SVEP1: variants seen among roughly 807,000 people sequenced by gnomAD.
The protein encoded by SVEP1 is sushi, von Willebrand factor type A, EGF and pentraxin domain containing 1.
A neutral mutation model predicts 367.3 loss-of-function variants in SVEP1; 164 were observed. The ratio of observed to expected loss-of-function variants is 0.45; its 90% CI spans 0.39 to 0.51. SVEP1 has a LOEUF of 0.51. SVEP1 is among the 20% of genes least tolerant of loss of function. The pLI is 0.00. For synonymous variants in SVEP1, 1,666 were observed against 1,611.6 expected, an observed-to-expected ratio of 1.03 and a Z score of -0.81; for missense variants, 4,117 against 4,425.3, an observed-to-expected ratio of 0.93 and a Z score of 1.98.
intron 18 of SVEP1, among the ~76,000 whole-genome samples, chr9:110,461,109 A>C (rs1828851322): frequency 6.6e-6 from 1 of 152,194 alleles, no homozygotes; most frequent in Non-Finnish European, 1.5e-5. Flanking sequence ...TTGTCATTTA[A>C]CCAAATCTGA....
intron 27 of SVEP1, 141 bp downstream of exon 27, chr9:110,443,404 A>C (rs1279986734): frequency 1.3e-6 from 1 of 782,372 alleles, no homozygotes; most frequent in East Asian, 3.2e-5. Flanking sequence ...CAGTTAGGAT[A>C]ATCAGGGAGT....
rs1396830237 is a variant in SVEP1 at position 110,411,308 on chromosome 9, A to T, written c.6403T>A (p.Ser2135Thr). ...ECMRGGQWNP[S>T]PMSIQCIPVR... The stretch of plus-strand genomic sequence containing the variant: ...GGGATGCACTGGATGGACATGGGGG[A>T]AGGGTTCCACTGCCCACCTCTCATA... The change falls in exon 37 of 48, where the codon TCC becomes ACC. Residue 2135 changes from serine (S) to threonine (T), a missense_variant. Ser to Thr is a moderately conservative substitution (Grantham distance 58). Transcript: ENST00000374469. The T allele has an allele frequency of 6.2e-7, 1 of 1,613,944 alleles. No individual in the cohort carries two copies. Among genetic ancestry groups the T allele is most frequent in the Non-Finnish European group, 8.5e-7 (1 of 1,179,890 alleles).
chr9:110,433,708 C>T (rs1032724465), intron 30 of SVEP1, among the ~76,000 whole-genome samples: 19 of 151,828 alleles, frequency 1.3e-4, no homozygotes, highest in African/African-American at 2.2e-4. Flanking sequence ...TGGGCTCAAG[C>T]GATCCGCCCG....
At chr9:110,368,683 CTCTTT>C (rs1480318100) in intron 47 of SVEP1, among the ~76,000 whole-genome samples, 10 of 151,984 alleles carry the variant, frequency 6.6e-5, no homozygotes, top group African/African-American at 2.4e-4. Context: ...ACTGTTTTTT[CTCTTT>C]TATTTCCTCT....
intron 5 of SVEP1, among the ~76,000 whole-genome samples, chr9:110,511,488 CTTTTTTTTTTTT>C (rs199993986): frequency 3.5e-4 from 27 of 77,562 alleles, no homozygotes; most frequent in Non-Finnish European, 6.1e-4. Context: ...GTGTCAGTAC[CTTTTTTTTTTTT>C]TTTTTTTTTT....
At chr9:110,379,100 G>A (rs1827395741) in intron 44 of SVEP1, among the ~76,000 whole-genome samples, 1 of 152,074 alleles carries the variant, frequency 6.6e-6, no homozygotes, top group Non-Finnish European at 1.5e-5. Flanking sequence ...AGTTTTAGAA[G>A]GATATAATAC....
chr9:110,369,438 T>C (rs1827244366), intron 47 of SVEP1, among the ~76,000 whole-genome samples: 1 of 152,218 alleles, frequency 6.6e-6, no homozygotes, highest in South Asian at 2.1e-4. Context: ...TTCAATACTA[T>C]TTTTATTGTA....
chr9:110,371,994 T>G (rs1827284589), intron 46 of SVEP1, among the ~76,000 whole-genome samples: 2 of 152,208 alleles, frequency 1.3e-5, no homozygotes, highest in Admixed American at 1.3e-4. Context: ...TCTCAACACA[T>G]AATTTAGCAT....
chr9:110,430,504 A>G, intron 32 of SVEP1, 54 bp from the exon 33 acceptor site: 1 of 1,527,802 alleles, frequency 6.5e-7, no homozygotes, highest in South Asian at 1.2e-5. Context: ...CAACCATGCA[A>G]AGTCTCACAG....
chr9:110,395,535 C>T (rs1827744430), intron 40 of SVEP1, among the ~76,000 whole-genome samples: 1 of 152,068 alleles, frequency 6.6e-6, no homozygotes, highest in African/African-American at 2.4e-5. Flanking sequence ...GCTAAATGCT[C>T]CAATTAAAAG....
At chr9:110,462,378 TA>T (rs1410131818) in intron 18 of SVEP1, among the ~76,000 whole-genome samples, 3 of 151,948 alleles carry the variant, frequency 2.0e-5, no homozygotes, top group Non-Finnish European at 2.9e-5. Context: ...TAGTTTAAGT[TA>T]TTGTCCAAGG....
chr9:110,547,171 G>T (rs1260398097), intron 2 of SVEP1, among the ~76,000 whole-genome samples: 2 of 152,116 alleles, frequency 1.3e-5, no homozygotes, highest in African/African-American at 2.4e-5. Flanking sequence ...CTAGATAGGG[G>T]CAAAGCAAAG....
intron 46 of SVEP1, among the ~76,000 whole-genome samples, chr9:110,372,486 T>C (rs1827293013): frequency 6.6e-6 from 1 of 152,224 alleles, no homozygotes; most frequent in African/African-American, 2.4e-5. Context: ...ATTAGGAGCA[T>C]ATTCTTATTA....
rs1324644678 is a variant in SVEP1, at chr9:110,550,022, C to G, written c.614G>C (p.Arg205Thr). The G allele has an allele frequency of 6.2e-7, 1 of 1,613,874 alleles. No individual in the cohort carries two copies. The highest frequency in any genetic ancestry group is 8.5e-7 in the Non-Finnish European group (1 of 1,179,898). The change falls in exon 2 of 48, where the codon AGA becomes ACA. Residue 205 changes from arginine (R) to threonine (T), a missense_variant. Arg to Thr is a moderately conservative substitution (Grantham distance 71, BLOSUM62 -1). Coordinates refer to ENST00000374469, the MANE Select transcript of SVEP1 (RefSeq NM_153366.4). ...ATCTCGCAGTGACGCTGCAATTGGT[C>G]TAGGGTCTCCCCCATTGGAATATCC... Reference protein sequence around the residue: ...TDGYSNGGDPRPIAASLRDSG... With the variant: ...TDGYSNGGDPTPIAASLRDSG...
In SVEP1 at chr9:110,445,236, C is replaced by T. The variant is rs572386260; in HGVS notation, c.4463+601G>A. Among the ~76,000 whole-genome samples, 7 of 152,330 alleles carry T rather than the reference C, an allele frequency of 4.6e-5. No homozygotes were observed. The East Asian group carries it at 1.2e-3, about 25-fold the overall frequency. On this transcript the variant is annotated intron_variant, in intron 26 of 47. Coordinates refer to ENST00000374469, the MANE Select transcript of SVEP1 (RefSeq NM_153366.4). ...GTTGGCCAACGATGGAAGTCCTGCT[C>T]AAGTCCGTGGCTCTTTGGCAAGACT...
intron 5 of SVEP1, among the ~76,000 whole-genome samples, chr9:110,509,236 TA>T (rs1829673116): frequency 6.6e-6 from 1 of 152,226 alleles, no homozygotes. Context: ...TAAAATGTTT[TA>T]AAAAATGTGT....
At chr9:110,514,929 G>A (rs1012448825) in intron 3 of SVEP1, among the ~76,000 whole-genome samples, 2 of 152,170 alleles carry the variant, frequency 1.3e-5, no homozygotes, top group African/African-American at 4.8e-5. Context: ...CTTGAGAAAG[G>A]ATGAGGAGAA....
In SVEP1 at chr9:110,473,792, A is replaced by G. The variant is rs576118539; in HGVS notation, c.2600-1469T>C. 3.9e-5 allele frequency among the ~76,000 whole-genome samples: 6 copies of G among 152,312 alleles called. No individual in the cohort carries two copies. The East Asian group carries it at 9.7e-4, about 25-fold the overall frequency. ...TAGTACATATTTGCACAATGGCATGATTTTTACCTTGAGAAATATTCTTAG... is the reference window on the plus strand; with the variant it reads ...TAGTACATATTTGCACAATGGCATGGTTTTTACCTTGAGAAATATTCTTAG... On this transcript the variant is annotated intron_variant, in intron 14 of 47. Transcript: ENST00000374469.
At chr9:110,459,602 A>G (rs2118639301) in intron 18 of SVEP1, among the ~76,000 whole-genome samples, 1 of 152,256 alleles carries the variant, frequency 6.6e-6, no homozygotes, top group South Asian at 2.1e-4. Flanking sequence ...GACTTTGGGT[A>G]GTTGAATTAG....
Sources: gnomAD v4.1 joint callset for allele counts (sites outside exome capture counted in the v4.1 genomes callset) on GRCh38, gnomAD v4.1.1 for gene constraint, MANE v1.5 for transcripts, NCBI Gene and HGNC (gene_info 2026-07-23, HGNC 2026-07-21) for gene names.